The following CDH4 variants were observed in gnomAD, a reference collection of about 807,000 sequenced individuals.
CDH4 encodes cadherin-4.
Under a neutral mutation model 86.0 loss-of-function variants are expected in CDH4, and 33 were observed. The observed-to-expected ratio is 0.38, with a 90% CI of 0.29 to 0.51. The LOEUF is 0.51. Among genes scored for constraint, CDH4 ranks in the 20% least tolerant of loss-of-function variants. The pLI, the probability that CDH4 is intolerant of heterozygous loss-of-function variation, is 0.86. For missense variants in CDH4, 1,114 were observed against 1,307.4 expected, an observed-to-expected ratio of 0.85 and a Z score of 2.28; for synonymous variants, 555 against 549.4, an observed-to-expected ratio of 1.01 and a Z score of -0.14.
chr20:61,877,375 C>G (rs1159058500), intron 7 of CDH4, among the ~76,000 whole-genome samples: 1 of 138,854 alleles, frequency 7.2e-6, no homozygotes, highest in African/African-American at 2.6e-5. Context: ...CCACCCCCCA[C>G]CCCCCGCTGT....
chr20:61,700,575 C>A (rs986212082), intron 2 of CDH4, among the ~76,000 whole-genome samples: 1 of 152,226 alleles, frequency 6.6e-6, no homozygotes, highest in Non-Finnish European at 1.5e-5. Context: ...CATCAGCCTC[C>A]GTGCATGCCT....
intron 8 of CDH4, 31 bp from the exon 9 acceptor site, chr20:61,910,391 G>A (rs2054836593): frequency 6.2e-7 from 1 of 1,603,112 alleles, no homozygotes; most frequent in East Asian, 2.2e-5. Context: ...CTTAACACGG[G>A]TTTGTGACAT....
chr20:61,558,609 G>A (rs927832032), intron 2 of CDH4, among the ~76,000 whole-genome samples: 1 of 152,220 alleles, frequency 6.6e-6, no homozygotes, highest in Non-Finnish European at 1.5e-5. Flanking sequence ...TCAGGCAAAA[G>A]AATGAAGGTC....
chr20:61,407,316 C>A (rs759868622), intron 2 of CDH4, among the ~76,000 whole-genome samples: 1 of 152,184 alleles, frequency 6.6e-6, no homozygotes, highest in Non-Finnish European at 1.5e-5. Context: ...GCCGTGCCTG[C>A]CACCCCGGGT....
chr20:61,277,711 G>T (rs2084238234), intron 2 of CDH4, among the ~76,000 whole-genome samples: 1 of 152,250 alleles, frequency 6.6e-6, no homozygotes, highest in African/African-American at 2.4e-5. Flanking sequence ...TAAGACAAGT[G>T]AGTCTTAGTC....
intron 2 of CDH4, among the ~76,000 whole-genome samples, chr20:61,292,345 G>A (rs1289220166): frequency 6.6e-6 from 1 of 152,232 alleles, no homozygotes; most frequent in Non-Finnish European, 1.5e-5. Context: ...TCCCTGCCTC[G>A]TGGAGTTGAT....
chr20:61,646,098 C>T (rs2087058437), intron 2 of CDH4, among the ~76,000 whole-genome samples: 1 of 152,180 alleles, frequency 6.6e-6, no homozygotes, highest in Non-Finnish European at 1.5e-5. Flanking sequence ...CAGCCCAGGT[C>T]ATGGTTTCCA....
intron 2 of CDH4, among the ~76,000 whole-genome samples, chr20:61,402,037 C>T (rs952549839): frequency 6.6e-6 from 1 of 152,150 alleles, no homozygotes; most frequent in Non-Finnish European, 1.5e-5. Context: ...CTGGAAACAT[C>T]CCTGGGTAAC....
At chr20:61,464,372 T>C (rs1169134758) in intron 2 of CDH4, among the ~76,000 whole-genome samples, 1 of 152,234 alleles carries the variant, frequency 6.6e-6, no homozygotes, top group Non-Finnish European at 1.5e-5. Context: ...GTTTGGAGTC[T>C]GTTCTAGGCT....
chr20:61,670,711 C>T (rs116014115), intron 2 of CDH4, among the ~76,000 whole-genome samples: 1 of 152,192 alleles, frequency 6.6e-6, no homozygotes, highest in Admixed American at 6.5e-5. Context: ...ATTCCCATGA[C>T]TTCTGTGGCC....
At chr20:61,686,247 C>G (rs1229005897) in intron 2 of CDH4, among the ~76,000 whole-genome samples, 1 of 152,244 alleles carries the variant, frequency 6.6e-6, no homozygotes, top group Non-Finnish European at 1.5e-5. Flanking sequence ...GAGCTCTCTG[C>G]TAAGCACTAG....
At chr20:61,565,358 G>GGTGCTCTT (rs2086285554) in intron 2 of CDH4, among the ~76,000 whole-genome samples, 1 of 33,342 alleles carries the variant, frequency 3.0e-5, no homozygotes, top group Non-Finnish European at 5.7e-5. Context: ...CTTGGTGATG[G>GGTGCTCTT]GGTGATGGTG....
intron 2 of CDH4, among the ~76,000 whole-genome samples, chr20:61,511,371 A>G (rs1348848060): frequency 6.6e-6 from 1 of 152,202 alleles, no homozygotes; most frequent in African/African-American, 2.4e-5. Flanking sequence ...TGTGCCAGGA[A>G]GACCCTGCTC....
chr20:61,444,281 A>ATCTG (rs1812527811), intron 2 of CDH4, among the ~76,000 whole-genome samples: 160 of 42,300 alleles, frequency 3.8e-3, no homozygotes, highest in East Asian at 6.6e-3. Context: ...GTGTATGTGT[A>ATCTG]TGTATGTGTG....
rs80214134 is a variant in CDH4 at position 61,268,242 on chromosome 20, G to A, written c.169+13305G>A. Among the ~76,000 whole-genome samples the A allele has an allele frequency of 8.5e-3, 1,291 of 152,348 alleles. 16 individuals carry two copies. Among genetic ancestry groups the A allele is most frequent in the African/African-American group, 0.029 (1,210 of 41,588 alleles). On this transcript the variant is annotated intron_variant, in intron 2 of 15. Coordinates refer to ENST00000614565, the MANE Select transcript of CDH4 (RefSeq NM_001794.5). The stretch of plus-strand genomic sequence containing the variant: ...CATCTCGGGTCCACCCACCTCTCCA[G>A]CATGGATCCCGAGGAGGGGCTCCAG...
intron 3 of CDH4, among the ~76,000 whole-genome samples, chr20:61,759,049 G>A (rs1183555029): frequency 6.6e-6 from 1 of 152,184 alleles, no homozygotes; most frequent in Non-Finnish European, 1.5e-5. Flanking sequence ...TCGCACATGG[G>A]ATGTGTGTGC....
At chr20:61,764,054 G>A (rs879379592) in intron 3 of CDH4, among the ~76,000 whole-genome samples, 21 of 152,306 alleles carry the variant, frequency 1.4e-4, no homozygotes, top group African/African-American at 3.6e-4. Context: ...GCTGTCCCTG[G>A]AGACCTCACC....
intron 2 of CDH4, among the ~76,000 whole-genome samples, chr20:61,598,084 G>A (rs898709399): frequency 1.3e-5 from 2 of 152,204 alleles, no homozygotes; most frequent in Non-Finnish European, 2.9e-5. Context: ...CACATGCCAA[G>A]CTCTTGTCAA....
intron 3 of CDH4, among the ~76,000 whole-genome samples, chr20:61,753,283 C>T (rs2088521340): frequency 6.6e-6 from 1 of 152,184 alleles, no homozygotes; most frequent in Non-Finnish European, 1.5e-5. Flanking sequence ...GTCGAGGTTT[C>T]TTCAAGTGCC....
Sources: allele counts gnomAD v4.1 joint callset (sites outside exome capture counted in the v4.1 genomes callset), GRCh38; gene constraint gnomAD v4.1.1; transcripts MANE v1.5; gene names NCBI Gene and HGNC (gene_info 2026-07-23, HGNC 2026-07-21).